RBFOX1: variants seen among roughly 807,000 people sequenced by gnomAD.
The protein encoded by RBFOX1 is RNA binding protein fox-1 homolog 1.
RBFOX1 carries 8 observed loss-of-function variants against 57.7 expected under a neutral mutation model. That is an observed-to-expected ratio of 0.14 (90% CI 0.08 to 0.25). The LOEUF (loss-of-function observed/expected upper bound fraction) is 0.25, where lower values mean the gene tolerates loss of function less well. RBFOX1 is among the 10% of genes least tolerant of loss of function. The pLI, the probability that RBFOX1 is intolerant of heterozygous loss-of-function variation, is 1.00. For synonymous variants in RBFOX1, 326 were observed against 222.4 expected, an observed-to-expected ratio of 1.47 and a Z score of -4.15; for missense variants, 611 against 548.5, an observed-to-expected ratio of 1.11 and a Z score of -1.14.
chr16:6,556,260 A>G (rs1206836439), intron 2 of RBFOX1, among the ~76,000 whole-genome samples: 1 of 152,188 alleles, frequency 6.6e-6, no homozygotes, highest in African/African-American at 2.4e-5. Flanking sequence ...GCATGTGTAC[A>G]AAAAGGCATC....
At position 6,164,076 on chromosome 16, in the gene RBFOX1, T is replaced by G. The variant is rs556729042; in HGVS notation, c.-127+144084T>G. On this transcript the variant is annotated intron_variant, in intron 1 of 15. Transcript: ENST00000550418. ...ATTGCTGATAGAATTTTATTAACTT[T>G]AGTCCTCACGCTGTACTCAATGTTG... 3.3e-5 allele frequency among the ~76,000 whole-genome samples: 5 copies of G among 152,360 alleles called. No individual in the cohort carries two copies. In the East Asian group the frequency reaches 9.6e-4, roughly 29 times the overall value.
intron 4 of RBFOX1, among the ~76,000 whole-genome samples, chr16:7,063,801 C>T (rs933330900): frequency 6.6e-6 from 1 of 152,200 alleles, no homozygotes. Flanking sequence ...GCTTACATAG[C>T]ATTCGCATTG....
intron 5 of RBFOX1, among the ~76,000 whole-genome samples, chr16:7,565,308 A>G (rs1034230447): frequency 1.3e-5 from 2 of 152,252 alleles, no homozygotes; most frequent in South Asian, 4.1e-4. Flanking sequence ...CTTTGTACAC[A>G]TTCAATATAG....
chr16:6,921,070 G>C (rs1313626573), intron 3 of RBFOX1, among the ~76,000 whole-genome samples: 1 of 152,136 alleles, frequency 6.6e-6, no homozygotes. Context: ...GCAGGTGTTG[G>C]TTTGAGCTCC....
intron 2 of RBFOX1, among the ~76,000 whole-genome samples, chr16:6,586,199 A>G (rs1390686435): frequency 2.0e-5 from 3 of 152,190 alleles, no homozygotes; most frequent in African/African-American, 7.2e-5. Context: ...CATTCAGACT[A>G]CAGAGTATCA....
rs761394862 is a variant in RBFOX1, at chr16:6,351,372, ATTTT to A, written c.-64+34327_-64+34330del. ...TGTGTGTATATATATATATATATAT[ATTTT>A]TTTTTTTTTTTCTTGAGGCAGAGTT... is the stretch of plus-strand genomic sequence containing the variant. On this transcript the variant is annotated intron_variant, in intron 2 of 15. Transcript: ENST00000550418. Among the ~76,000 whole-genome samples the A allele has an allele frequency of 1.9e-3, 166 of 86,424 alleles. 1 individual carries two copies. Among genetic ancestry groups the A allele is most frequent in the African/African-American group, 8.2e-3 (160 of 19,566 alleles). 56.7% of individuals were successfully genotyped at this position (86,424 alleles called of 152,430 possible). A position where few individuals can be genotyped will look rare whatever the true frequency, so the allele number is the denominator to read the frequency against.
chr16:5,964,828 G>A (rs1017312043), intron 4 of RBFOX1, among the ~76,000 whole-genome samples: 7 of 151,282 alleles, frequency 4.6e-5, no homozygotes, highest in African/African-American at 1.2e-4. Context: ...CCATATACAC[G>A]TATATACACA....
chr16:7,433,263 A>G (rs1238875024), intron 4 of RBFOX1, among the ~76,000 whole-genome samples: 2 of 152,164 alleles, frequency 1.3e-5, no homozygotes, highest in Non-Finnish European at 2.9e-5. Context: ...GTGGGCAGAG[A>G]CGGTGAGTAA....
chr16:5,832,694 G>T (rs2056321318), intron 3 of RBFOX1, among the ~76,000 whole-genome samples: 1 of 152,156 alleles, frequency 6.6e-6, no homozygotes, highest in East Asian at 1.9e-4. Flanking sequence ...AAAATGTCCA[G>T]AGGCCTTTTC....
At chr16:5,745,893 A>G (rs1267690238) in intron 3 of RBFOX1, among the ~76,000 whole-genome samples, 3 of 152,022 alleles carry the variant, frequency 2.0e-5, no homozygotes, top group African/African-American at 4.8e-5. Context: ...TAGGTTGCCT[A>G]TTGACTCTGA....
intron 1 of RBFOX1, among the ~76,000 whole-genome samples, chr16:5,334,919 G>A (rs1016957580): frequency 6.6e-6 from 1 of 152,016 alleles, no homozygotes; most frequent in African/African-American, 2.4e-5. Flanking sequence ...GTAATGAGTA[G>A]CATGGAAAGA....
At chr16:7,118,094 A>G (rs990611039) in intron 4 of RBFOX1, among the ~76,000 whole-genome samples, 5 of 152,268 alleles carry the variant, frequency 3.3e-5, no homozygotes, top group African/African-American at 1.2e-4. Flanking sequence ...GTAGATAACC[A>G]GTAGTGGGAT....
intron 3 of RBFOX1, among the ~76,000 whole-genome samples, chr16:6,768,706 T>A (rs1339320244): frequency 6.7e-6 from 1 of 150,292 alleles, no homozygotes; most frequent in African/African-American, 2.4e-5. Flanking sequence ...TATATATATA[T>A]ATGTATATAT....
At chr16:6,851,290 G>C (rs1040660464) in intron 3 of RBFOX1, among the ~76,000 whole-genome samples, 2 of 152,106 alleles carry the variant, frequency 1.3e-5, no homozygotes, top group African/African-American at 2.4e-5. Flanking sequence ...GGTGTGGAGT[G>C]ACAGTAGGGT....
At chr16:7,543,604 C>A (rs1452623306) in intron 5 of RBFOX1, among the ~76,000 whole-genome samples, 1 of 151,556 alleles carries the variant, frequency 6.6e-6, no homozygotes, top group South Asian at 2.1e-4. Context: ...AATTGAGAAC[C>A]ATTGCTTAAG....
chr16:6,369,830 A>G lies in RBFOX1; in HGVS notation c.-64+52773A>G, dbSNP rs147075529. On this transcript the variant is annotated intron_variant, in intron 2 of 15. Transcript: ENST00000550418. ...TCCTAAAAACAAGGACCTAACCACA[A>G]TACAATTCCAAAATTAAGAAATTTA... 6.6e-5 allele frequency among the ~76,000 whole-genome samples: 10 copies of G among 152,332 alleles called. No homozygotes were observed. The East Asian group carries it at 1.5e-3, about 24-fold the overall frequency.
intron 1 of RBFOX1, among the ~76,000 whole-genome samples, chr16:6,295,640 G>A (rs2078015719): frequency 6.6e-6 from 1 of 152,174 alleles, no homozygotes; most frequent in South Asian, 2.1e-4. Context: ...TTTATGAGCG[G>A]TCTCATTTCA....
In RBFOX1 at chr16:7,442,483, T is replaced by C. The variant is rs535021674; in HGVS notation, c.28-75664T>C. On this transcript the variant is annotated intron_variant, in intron 4 of 15. Transcript: ENST00000550418. The stretch of plus-strand genomic sequence containing the variant: ...CCCTGTGTCTCAGGGCTCAAGGAGG[T>C]TGGGCAGGGAGGTGAGAGTGAATAA... Among the ~76,000 whole-genome samples, 17 of 151,894 alleles carry C rather than the reference T, an allele frequency of 1.1e-4. 1 individual carries two copies. The South Asian group carries it at 3.5e-3, about 32-fold the overall frequency.
At chr16:5,999,705 CA>C (rs1050140910) in intron 4 of RBFOX1, among the ~76,000 whole-genome samples, 3 of 151,352 alleles carry the variant, frequency 2.0e-5, no homozygotes, top group African/African-American at 7.3e-5. Flanking sequence ...ACTAAAAATA[CA>C]AAAAATTAGC....
Sources: gnomAD v4.1 joint callset for allele counts (sites outside exome capture counted in the v4.1 genomes callset) on GRCh38, gnomAD v4.1.1 for gene constraint, MANE v1.5 for transcripts, NCBI Gene and HGNC (gene_info 2026-07-23, HGNC 2026-07-21) for gene names.